PCDHA10: variants seen among roughly 807,000 people sequenced by gnomAD.
PCDHA10 encodes protocadherin alpha 10.
In PCDHA10, 45 loss-of-function variants were observed where a neutral mutation model predicts 61.2. The ratio of observed to expected loss-of-function variants is 0.74; its 90% CI spans 0.58 to 0.94. The LOEUF is 0.94. PCDHA10 is among the 40% of genes least tolerant of loss of function. The pLI, the probability that PCDHA10 is intolerant of heterozygous loss-of-function variation, is 0.00. For missense variants in PCDHA10, 1,278 were observed against 1,236.2 expected (o/e 1.03, Z -0.51); for synonymous variants, 602 against 548.8 (o/e 1.10, Z -1.35).
At chr5:140,891,419 C>T (rs925275455) in intron 1 of PCDHA10, among the ~76,000 whole-genome samples, 1 of 147,378 alleles carries the variant, frequency 6.8e-6, no homozygotes, top group African/African-American at 2.5e-5. Flanking sequence ...CACTCTTGCC[C>T]CCAAGTCCCC....
chr5:140,991,086 T>C (rs2097431989), intron 3 of PCDHA10, among the ~76,000 whole-genome samples: 1 of 152,206 alleles, frequency 6.6e-6, no homozygotes, highest in African/African-American at 2.4e-5. Context: ...ATAAAAAAAT[T>C]AAAGCTCATA....
chr5:140,979,434 A>G (rs1490433887), intron 2 of PCDHA10, among the ~76,000 whole-genome samples: 1 of 151,986 alleles, frequency 6.6e-6, no homozygotes, highest in South Asian at 2.1e-4. Context: ...CACATTGGCT[A>G]TTACATCCTA....
chr5:140,870,179 G>A, intron 1 of PCDHA10: 1 of 1,614,104 alleles, frequency 6.2e-7, no homozygotes, highest in South Asian at 1.1e-5. Context: ...CTCCCAGTAC[G>A]AGAGGACGCT....
At chr5:140,867,469 T>C (rs895909736) in intron 1 of PCDHA10, 2 of 152,068 alleles carry the variant, frequency 1.3e-5, no homozygotes, top group Non-Finnish European at 2.9e-5. Context: ...TATGACAACA[T>C]TGGGAAAAGA....
At position 140,987,008 on chromosome 5, in the gene PCDHA10, G is replaced by A. The variant is rs958548514; in HGVS notation, c.2536+4445G>A. 2.6e-5 allele frequency among the ~76,000 whole-genome samples: 4 copies of A among 152,260 alleles called. No individual in the cohort carries two copies. The South Asian group carries it at 6.2e-4, about 24-fold the overall frequency. On this transcript the variant is annotated intron_variant, in intron 3 of 3. Transcript: ENST00000307360. ...GCAGGCAGATCACTTGAGGTCATGA[G>A]TTCGAGACCAGCCTGGTCAACATGG... is the stretch of plus-strand genomic sequence containing the variant.
intron 1 of PCDHA10, chr5:140,927,446 T>C (rs1554204540): frequency 6.2e-7 from 1 of 1,614,128 alleles, no homozygotes; most frequent in Non-Finnish European, 8.5e-7. Flanking sequence ...TACCCGGAGT[T>C]GGTGTTGGAG....
chr5:140,980,490 C>T (rs185528514), intron 2 of PCDHA10, among the ~76,000 whole-genome samples: 39 of 152,096 alleles, frequency 2.6e-4, no homozygotes, highest in Admixed American at 4.6e-4. Context: ...ATTAGCTGGG[C>T]GTGATGGCAT....
rs567902726 is a variant in PCDHA10 at position 140,936,017 on chromosome 5, C to T, written c.2389-42932C>T. Among the ~76,000 whole-genome samples, 12 of 151,854 alleles carry T rather than the reference C, an allele frequency of 7.9e-5. No individual in the cohort carries two copies. The South Asian group carries it at 1.7e-3, about 21-fold the overall frequency. ...AAGCGATTCTCCCACCTCAGCCTCCCGAGTAGCGGGGATTACAGGCACCCA... is the reference window on the plus strand; with the variant it reads ...AAGCGATTCTCCCACCTCAGCCTCCTGAGTAGCGGGGATTACAGGCACCCA... On this transcript the variant is annotated intron_variant, in intron 1 of 3. Coordinates refer to ENST00000307360, the MANE Select transcript of PCDHA10 (RefSeq NM_018901.4).
At chr5:140,875,931 T>C in intron 1 of PCDHA10, 1 of 1,614,176 alleles carries the variant, frequency 6.2e-7, no homozygotes, top group South Asian at 1.1e-5. Flanking sequence ...CTCATTTTCC[T>C]CTAGAGGGCG....
intron 1 of PCDHA10, among the ~76,000 whole-genome samples, chr5:140,925,533 A>C (rs1334031760): frequency 1.3e-5 from 2 of 152,062 alleles, no homozygotes; most frequent in Non-Finnish European, 2.9e-5. Flanking sequence ...AAGCGAGGAG[A>C]AATACCTAAT....
intron 1 of PCDHA10, chr5:140,969,215 C>T: frequency 6.2e-7 from 1 of 1,614,128 alleles, no homozygotes; most frequent in East Asian, 2.2e-5. Flanking sequence ...CCAGACAGGA[C>T]CAGGGCCTTC....
intron 1 of PCDHA10, chr5:140,869,081 T>C: frequency 6.3e-7 from 1 of 1,581,722 alleles, no homozygotes; most frequent in Non-Finnish European, 8.6e-7. Flanking sequence ...AGAAGCTTAT[T>C]TTGGAAGCCA....
At chr5:140,959,544 T>C (rs2095494180) in intron 1 of PCDHA10, among the ~76,000 whole-genome samples, 1 of 152,208 alleles carries the variant, frequency 6.6e-6, no homozygotes, top group Non-Finnish European at 1.5e-5. Context: ...AGAGATGCTG[T>C]ATAAATAGAA....
At chr5:140,946,591 AATAG>A (rs1237639683) in intron 1 of PCDHA10, among the ~76,000 whole-genome samples, 7 of 119,490 alleles carry the variant, frequency 5.9e-5, no homozygotes, top group African/African-American at 2.9e-4. Flanking sequence ...ATAGTGGATG[AATAG>A]ATAAAGAAAA....
chr5:140,889,541 ATTTAC>A (rs1434823292), intron 1 of PCDHA10, among the ~76,000 whole-genome samples: 9 of 151,878 alleles, frequency 5.9e-5, no homozygotes, highest in African/African-American at 2.2e-4. Context: ...TTCCTGTCTA[ATTTAC>A]TTTTCTTCAG....
chr5:140,985,289 T>C (rs2097145554), intron 3 of PCDHA10, among the ~76,000 whole-genome samples: 2 of 152,172 alleles, frequency 1.3e-5, no homozygotes, highest in African/African-American at 4.8e-5. Flanking sequence ...ATCTATGATA[T>C]AGTGTTGGCT....
intron 3 of PCDHA10, 32 bp from the exon 4 acceptor site, chr5:141,009,595 C>A (rs781807814): frequency 6.2e-7 from 1 of 1,604,124 alleles, no homozygotes; most frequent in African/African-American, 1.3e-5. Context: ...TGTGTTGACC[C>A]TGTTAATGAT....
chr5:140,978,575 G>A (rs2096810585), intron 1 of PCDHA10, among the ~76,000 whole-genome samples: 1 of 152,202 alleles, frequency 6.6e-6, no homozygotes, highest in African/African-American at 2.4e-5. Flanking sequence ...ATACTGAATT[G>A]GGAATGTTCC....
intron 1 of PCDHA10, among the ~76,000 whole-genome samples, chr5:140,900,150 C>T (rs265315): frequency 0.046 from 7,055 of 152,208 alleles, 291 homozygotes; most frequent in African/African-American, 0.11. Context: ...TAAGAACATA[C>T]GATATTTGTC....
Sources: allele counts gnomAD v4.1 joint callset (sites outside exome capture counted in the v4.1 genomes callset), GRCh38; gene constraint gnomAD v4.1.1; transcripts MANE v1.5; gene names NCBI Gene and HGNC (gene_info 2026-07-23, HGNC 2026-07-21).